The following EP300 variants were observed in gnomAD, a reference collection of about 807,000 sequenced individuals.
EP300 encodes EP300 lysine acetyltransferase.
A neutral mutation model predicts 264.0 loss-of-function variants in EP300; 31 were observed. The observed-to-expected ratio is 0.12, with a 90% CI of 0.09 to 0.16. The LOEUF is 0.16. Ranked by LOEUF, EP300 falls within the 10% of genes least tolerant of loss-of-function variation. The pLI, the probability that EP300 is intolerant of heterozygous loss-of-function variation, is 1.00. For synonymous variants in EP300, 1,340 were observed against 1,045.4 expected (o/e 1.28, Z -5.44); for missense variants, 2,766 against 3,052.9 (o/e 0.91, Z 2.21).
chr22:41,146,909 G>A, intron 11 of EP300, 93 bp downstream of exon 11: 1 of 1,121,014 alleles, frequency 8.9e-7, no homozygotes, highest in Non-Finnish European at 1.3e-6. Flanking sequence ...TATGCCAACA[G>A]CAAGTGTCAT....
At chr22:41,094,888 G>A (rs903036748) in intron 1 of EP300, among the ~76,000 whole-genome samples, 8 of 152,014 alleles carry the variant, frequency 5.3e-5, no homozygotes, top group African/African-American at 1.7e-4. Flanking sequence ...CTTCTGTTCA[G>A]GTGTGCTACT....
chr22:41,174,089 A>T (rs2059186492), intron 29 of EP300, among the ~76,000 whole-genome samples: 1 of 152,094 alleles, frequency 6.6e-6, no homozygotes, highest in Non-Finnish European at 1.5e-5. Context: ...CAGCCTGGGC[A>T]ACAAGAGCGA....
chr22:41,169,230 A>C, intron 25 of EP300: 2 of 553,934 alleles, frequency 3.6e-6, no homozygotes, highest in Non-Finnish European at 6.4e-6. Context: ...GTATAAAGGC[A>C]ATAATAAAAA....
intron 16 of EP300, 35 bp from the exon 17 acceptor site, chr22:41,154,960 G>T (rs2145744356): frequency 2.2e-6 from 3 of 1,380,178 alleles, no homozygotes; most frequent in Non-Finnish European, 2.1e-6. Context: ...CTGCTTAATT[G>T]GTAACTAATT....
At chr22:41,123,363 G>GAT (rs1306482616) in intron 2 of EP300, among the ~76,000 whole-genome samples, 1 of 152,170 alleles carries the variant, frequency 6.6e-6, no homozygotes, top group Non-Finnish European at 1.5e-5. Flanking sequence ...AAATATATAA[G>GAT]ATACCATAGA....
Position 41,179,243 on chromosome 22 carries a change from A to G in EP300, c.*287A>G. 1 of 426,798 alleles carries G rather than the reference A, an allele frequency of 2.3e-6. No homozygotes were observed. The allele number at this position is 426,798 out of a possible 1,614,324, so 26.4% of individuals were successfully genotyped here. A position where few individuals can be genotyped will look rare whatever the true frequency, so the allele number is the denominator to read the frequency against. On this transcript the variant is annotated 3_prime_UTR_variant, in exon 31 of 31. Transcript: ENST00000263253. ...ACTGGGAGGAGGCTGAGGCCTGTGA[A>G]GCCAAACAATATGCTCCTGCCTTGC...
In EP300 at chr22:41,092,947, A is replaced by G. The variant is rs1320164999; in HGVS notation, c.-58A>G. The G allele has an allele frequency of 6.2e-7, 1 of 1,601,760 alleles. No homozygotes were observed. Among genetic ancestry groups the G allele is most frequent in the Non-Finnish European group, 8.6e-7 (1 of 1,169,360 alleles). On this transcript the variant is annotated 5_prime_UTR_variant, in exon 1 of 31. Coordinates refer to ENST00000263253, the MANE Select transcript of EP300 (RefSeq NM_001429.4). ...GTGCGGCGCGGGGACCCCGGGCCGA[A>G]GAAGAGATTTCCTGAGGATTCTGGT...
intron 27 of EP300, among the ~76,000 whole-genome samples, chr22:41,171,427 C>T (rs2059170209): frequency 6.6e-6 from 1 of 152,078 alleles, no homozygotes. Flanking sequence ...ACCTGTGCCT[C>T]CCAGGCTCAA....
rs942887282 is a variant in EP300, at chr22:41,152,001, G to T, written c.2986G>T (p.Asp996Tyr). ...AGAACCAGCAGATACTCAGCCGGAG[G>T]ATATTTCAGAGGTGAGAGTAGGGCA... ...QPEPADTQPE[D>Y]ISESKVEDCK... Residue 996 changes from aspartate to tyrosine, a missense_variant, in exon 15 of 31, where the codon GAT (aspartate) becomes TAT (tyrosine). Asp to Tyr is a radical substitution (Grantham distance 160). Coordinates refer to ENST00000263253, the MANE Select transcript of EP300 (RefSeq NM_001429.4). 23 of 1,614,138 alleles carry T rather than the reference G, an allele frequency of 1.4e-5. No individual in the cohort carries two copies. Among genetic ancestry groups the T allele is most frequent in the Non-Finnish European group, 1.9e-5 (23 of 1,180,022 alleles).
rs2145747503 is a variant in EP300, at chr22:41,157,305, G to A, written c.3398G>A (p.Arg1133Gln). Residue 1133 changes from arginine (R) to glutamine (Q), a missense_variant, in exon 18 of 31, where the codon CGG becomes CAG. Transcript: ENST00000263253. ...LMFNNAWLYN[R>Q]KTSRVYKYCS... ...TTCAATAATGCCTGGTTATATAACCGGAAAACATCACGGGTATACAAATAC... is the reference window on the plus strand; with the variant it reads ...TTCAATAATGCCTGGTTATATAACCAGAAAACATCACGGGTATACAAATAC... The A allele has an allele frequency of 6.2e-7, 1 of 1,614,102 alleles. No individual in the cohort carries two copies. Among genetic ancestry groups the A allele is most frequent in the Non-Finnish European group, 8.5e-7 (1 of 1,180,022 alleles).
chr22:41,177,576 G>C lies in EP300; in HGVS notation c.5865G>C (p.Gln1955His), dbSNP rs1369604399. 2 of 1,614,160 alleles carry C rather than the reference G, an allele frequency of 1.2e-6. No individual in the cohort carries two copies. The highest frequency in any genetic ancestry group is 1.7e-6 in the Non-Finnish European group (2 of 1,180,042). The change falls in exon 31 of 31, where the codon CAG (glutamine) becomes CAC (histidine). Residue 1955 changes from glutamine (Q) to histidine (H), a missense_variant. Physicochemically the swap from Gln to His is conservative, Grantham distance 24. Transcript: ENST00000263253. ...VQIFQRPIQHQMPPMTPMAPM... is the reference protein window; with the variant it reads ...VQIFQRPIQHHMPPMTPMAPM... ...TTTTTCAAAGGCCAATCCAACACCA[G>C]ATGCCCCCGATGACTCCCATGGCCC...
chr22:41,148,493 GTT>G, intron 12 of EP300, among the ~76,000 whole-genome samples: 1 of 152,138 alleles, frequency 6.6e-6, no homozygotes, highest in Non-Finnish European at 1.5e-5. Flanking sequence ...AGCTTATGAA[GTT>G]TTTGGCCTTT....
chr22:41,102,166 A>G (rs2058735587), intron 1 of EP300, among the ~76,000 whole-genome samples: 1 of 151,938 alleles, frequency 6.6e-6, no homozygotes, highest in Non-Finnish European at 1.5e-5. Context: ...TATTAGGCCA[A>G]CATTTTCTGT....
intron 2 of EP300, among the ~76,000 whole-genome samples, chr22:41,119,754 T>G (rs548112179): frequency 6.6e-6 from 1 of 152,272 alleles, no homozygotes; most frequent in South Asian, 2.1e-4. Flanking sequence ...CTTGTGGAGC[T>G]TGTATTTTGA....
At chr22:41,148,951 T>C (rs2059027308) in intron 12 of EP300, 87 bp from the exon 13 acceptor site, 3 of 1,587,256 alleles carry the variant, frequency 1.9e-6, no homozygotes, top group Non-Finnish European at 2.6e-6. Flanking sequence ...TTAATAAGCC[T>C]GACGTTAGGA....
intron 10 of EP300, among the ~76,000 whole-genome samples, chr22:41,142,134 G>A (rs1299830832): frequency 3.9e-5 from 6 of 152,186 alleles, no homozygotes; most frequent in African/African-American, 7.2e-5. Flanking sequence ...TATGGAGCAG[G>A]CACACCATTT....
chr22:41,170,854 G>A (rs562928467), intron 27 of EP300, among the ~76,000 whole-genome samples: 40 of 151,260 alleles, frequency 2.6e-4, no homozygotes, highest in East Asian at 1.2e-3. Context: ...TAGTAGAGAC[G>A]GGGTTTCACC....
At chr22:41,113,548 A>T (rs1207408412) in intron 1 of EP300, among the ~76,000 whole-genome samples, 1 of 152,080 alleles carries the variant, frequency 6.6e-6, no homozygotes, top group East Asian at 1.9e-4. Flanking sequence ...AACTTTATTT[A>T]TTATTATTAT....
At chr22:41,164,380 G>C (rs2145756760) in intron 22 of EP300, among the ~76,000 whole-genome samples, 1 of 152,188 alleles carries the variant, frequency 6.6e-6, no homozygotes, top group Non-Finnish European at 1.5e-5. Context: ...CTGCTGGATT[G>C]TTTATTAAAA....
Sources: gnomAD v4.1 joint callset for allele counts (sites outside exome capture counted in the v4.1 genomes callset) on GRCh38, gnomAD v4.1.1 for gene constraint, MANE v1.5 for transcripts, NCBI Gene and HGNC (gene_info 2026-07-23, HGNC 2026-07-21) for gene names.